Variants in EGFL8 observed in about 807,000 individuals in gnomAD.
EGFL8 encodes epidermal growth factor-like protein 8.
EGFL8 carries 32 observed loss-of-function variants against 39.4 expected under a neutral mutation model. That is an observed-to-expected ratio of 0.81 (90% CI 0.61 to 1.09). The LOEUF is 1.09. Ranked by LOEUF, EGFL8 falls within the 50% of genes least tolerant of loss-of-function variation. The pLI, the probability that EGFL8 is intolerant of heterozygous loss-of-function variation, is 0.00. For synonymous variants in EGFL8, 177 were observed against 168.5 expected (o/e 1.05, Z -0.39); for missense variants, 385 against 402.2 (o/e 0.96, Z 0.37).
In EGFL8 at chr6:32,166,217, C is replaced by T. The variant is rs1784466127; in HGVS notation, c.52C>T (p.Leu18=). ...CTLLGGFSFL[L]LLIPGEGAKG... ...TCTCTTAGGCGGATTCTCCTTCCTC[C>T]TGCTACTGATACCAGGCGAGGGGGC... Residue 18 remains leucine (L), a synonymous_variant, in exon 2 of 9, where the codon CTG becomes TTG. Transcript: ENST00000333845. The surrounding 1 kb of genome is among the most constrained non-coding windows in gnomAD (Gnocchi z 7.3). 6.2e-7 allele frequency: 1 copy of T among 1,614,122 alleles called. No homozygotes were observed. Among genetic ancestry groups the T allele is most frequent in the South Asian group, 1.1e-5 (1 of 91,082 alleles).
In EGFL8 at chr6:32,166,335, A is replaced by G. The variant is rs1784479332; in HGVS notation, c.101+69A>G. ...AGCCTTCTGCTGGGGGTGGGGCTTCACAGGAGGCAAAACATAACTGTAAGT... is the reference window on the plus strand; with the variant it reads ...AGCCTTCTGCTGGGGGTGGGGCTTCGCAGGAGGCAAAACATAACTGTAAGT... On this transcript the variant is annotated intron_variant, in intron 2 of 8. Transcript: ENST00000333845. The surrounding 1 kb of genome is among the most constrained non-coding windows in gnomAD (Gnocchi z 7.3). 1.9e-6 allele frequency: 3 copies of G among 1,596,386 alleles called. No homozygotes were observed. The highest frequency in any genetic ancestry group is 4.5e-5 in the East Asian group (2 of 44,728).
In EGFL8 at chr6:32,166,642, C is replaced by A. The variant is rs781243251; in HGVS notation, c.224+22C>A. 6.2e-7 allele frequency: 1 copy of A among 1,614,176 alleles called. No homozygotes were observed. Among genetic ancestry groups the A allele is most frequent in the Non-Finnish European group, 8.5e-7 (1 of 1,180,020 alleles). ...ACAGGTGAGGGATGGGGAGATGGGA[C>A]CCCAAGAACCCCAACTAGGACCCGT... On this transcript the variant is annotated intron_variant, in intron 3 of 8. Coordinates refer to ENST00000333845, the MANE Select transcript of EGFL8 (RefSeq NM_030652.4). The surrounding 1 kb of genome is among the most constrained non-coding windows in gnomAD (Gnocchi z 7.3).
In EGFL8 at chr6:32,167,243, TACTCAGCGTGGCC is replaced by T; in HGVS notation, c.588_600del (p.Ile196MetfsTer12). 1 of 1,612,168 alleles carries T rather than the reference TACTCAGCGTGGCC, an allele frequency of 6.2e-7. No homozygotes were observed. Among genetic ancestry groups the T allele is most frequent in the Non-Finnish European group, 8.5e-7 (1 of 1,179,508 alleles). On this transcript the variant is annotated frameshift_variant and splice_region_variant, in exon 6 of 9. Coordinates refer to ENST00000333845, the MANE Select transcript of EGFL8 (RefSeq NM_030652.4). LOFTEE classifies it high-confidence loss of function. The surrounding 1 kb of genome is among the most constrained non-coding windows in gnomAD (Gnocchi z 6.4). ...CCAGAGCCCCCAACCAGTGCCAGCA[TACTCAGCGTGGCC>T]GGTGAGTGGGCAGGAGTACGGGCCA...
At position 32,167,257 on chromosome 6, in the gene EGFL8, G is replaced by A. The variant is rs745656409; in HGVS notation, c.601G>A (p.Val201Ile). 47 of 1,611,614 alleles carry A rather than the reference G, an allele frequency of 2.9e-5. No individual in the cohort carries two copies. The Middle Eastern group carries it at 4.9e-4, about 17-fold the overall frequency. ...CAGTGCCAGCATACTCAGCGTGGCC[G>A]GTGAGTGGGCAGGAGTACGGGCCAC... The part of the protein sequence containing the change: ...PTSASILSVA[V>I]REAEKDERAL... Residue 201 changes from valine to isoleucine, a missense_variant and splice_region_variant, in exon 6 of 9, where the codon GTT (valine) becomes ATT (isoleucine). Physicochemically the swap from Val to Ile is conservative, Grantham distance 29. Transcript: ENST00000333845. This position sits in a 1 kb window ranked among gnomAD's most constrained non-coding sequence, Gnocchi z 6.4.
chr6:32,165,895 G>A (rs34199004), intron 1 of EGFL8: 1 of 559,226 alleles, frequency 1.8e-6, no homozygotes, highest in Non-Finnish European at 3.2e-6. Flanking sequence ...AAGTAGGTTA[G>A]AGGGGAGGTG....
Position 32,167,465 on chromosome 6 carries a change from G to A in EGFL8, c.681+36G>A, listed in dbSNP as rs749875760. 33 of 1,611,368 alleles carry A rather than the reference G, an allele frequency of 2.0e-5. 1 individual carries two copies. Among genetic ancestry groups the A allele is most frequent in the Non-Finnish European group, 2.4e-5 (28 of 1,180,004 alleles). ...CCTGCTGGGTGGGGCGAGGCCAGAC[G>A]TCACTGTCAATACCCTGAGGCATCT... On this transcript the variant is annotated intron_variant, in intron 7 of 8. Coordinates refer to ENST00000333845, the MANE Select transcript of EGFL8 (RefSeq NM_030652.4). This position sits in a 1 kb window ranked among gnomAD's most constrained non-coding sequence, Gnocchi z 6.4.
chr6:32,164,814 T>C lies in EGFL8; in HGVS notation c.-29+157T>C. The C allele has an allele frequency of 3.2e-6, 2 of 624,994 alleles. No homozygotes were observed. The highest frequency in any genetic ancestry group is 3.6e-5 in the African/African-American group (2 of 55,542). The allele number at this position is 624,994 out of a possible 1,614,324, so 38.7% of individuals were successfully genotyped here. A position where few individuals can be genotyped will look rare whatever the true frequency, so the allele number is the denominator to read the frequency against. On this transcript the variant is annotated intron_variant, in intron 1 of 8. Coordinates refer to ENST00000333845, the MANE Select transcript of EGFL8 (RefSeq NM_030652.4). This position sits in a 1 kb window ranked among gnomAD's most constrained non-coding sequence, Gnocchi z 5.4. ...GGCGTTATGTGACGGTGTGGGTATA[T>C]GAGGGGAGTAGCAGTGTGTGAAAGG...
chr6:32,166,769 A>G lies in EGFL8; in HGVS notation c.293A>G (p.Gln98Arg). ...CAGCAGACCCATGCAGTGTGCTGCC[A>G]GGGCTGGAAGAAGCGGCACCCGGGG... Reference protein sequence around the residue: ...EVQQTHAVCCQGWKKRHPGAL... With the variant: ...EVQQTHAVCCRGWKKRHPGAL... The change falls in exon 4 of 9, where the codon CAG becomes CGG. Residue 98 changes from glutamine (Q) to arginine (R), a missense_variant. Gln to Arg is a conservative substitution (Grantham distance 43). Coordinates refer to ENST00000333845, the MANE Select transcript of EGFL8 (RefSeq NM_030652.4). The surrounding 1 kb of genome is among the most constrained non-coding windows in gnomAD (Gnocchi z 7.3). 6.4e-7 allele frequency: 1 copy of G among 1,573,896 alleles called. No individual in the cohort carries two copies. The highest frequency in any genetic ancestry group is 1.2e-5 in the South Asian group (1 of 85,014).
In EGFL8 at chr6:32,167,046, C is replaced by A; in HGVS notation, c.430+41C>A. 1 of 1,613,012 alleles carries A rather than the reference C, an allele frequency of 6.2e-7. No individual in the cohort carries two copies. Among genetic ancestry groups the A allele is most frequent in the Non-Finnish European group, 8.5e-7 (1 of 1,179,982 alleles). ...CTCCCCACCTACCCAGGTGCTTGCC[C>A]CCGCCCCCTCTCTCAGCCCCTTCCT... On this transcript the variant is annotated intron_variant, in intron 5 of 8. Coordinates refer to ENST00000333845, the MANE Select transcript of EGFL8 (RefSeq NM_030652.4). This position sits in a 1 kb window ranked among gnomAD's most constrained non-coding sequence, Gnocchi z 6.4.
rs778575445 is a variant in EGFL8 at position 32,166,301 on chromosome 6, C to T, written c.101+35C>T. Reference sequence around the variant, plus strand: ...GAGGGGGTAGGGCCCGGGGTGAGCTCTTCTCAGGAGCCTTCTGCTGGGGGT... The same window carrying T: ...GAGGGGGTAGGGCCCGGGGTGAGCTTTTCTCAGGAGCCTTCTGCTGGGGGT... On this transcript the variant is annotated intron_variant, in intron 2 of 8. Coordinates refer to ENST00000333845, the MANE Select transcript of EGFL8 (RefSeq NM_030652.4). This position sits in a 1 kb window ranked among gnomAD's most constrained non-coding sequence, Gnocchi z 7.3. The T allele has an allele frequency of 1.4e-5, 23 of 1,609,902 alleles. No individual in the cohort carries two copies. Among genetic ancestry groups the T allele is most frequent in the African/African-American group, 2.7e-5 (2 of 74,704 alleles).
chr6:32,167,375 C>T lies in EGFL8; in HGVS notation c.627C>T (p.Arg209=), dbSNP rs770147884. The T allele has an allele frequency of 2.1e-5, 34 of 1,612,914 alleles. No homozygotes were observed. Among genetic ancestry groups the T allele is most frequent in the African/African-American group, 1.2e-4 (9 of 74,944 alleles). Residue 209 remains arginine (R), a synonymous_variant, in exon 7 of 9, where the codon CGC becomes CGT. Transcript: ENST00000333845. This position sits in a 1 kb window ranked among gnomAD's most constrained non-coding sequence, Gnocchi z 6.4. ...TTCGGGAGGCGGAAAAAGATGAGCG[C>T]GCTCTGAAGCAGGAGATTCACGAGC... ...VAVREAEKDE[R]ALKQEIHELR... is the part of the protein sequence containing the mutation.
Position 32,167,952 on chromosome 6 carries a change from G to A in EGFL8, c.878G>A (p.Arg293Gln), listed in dbSNP as rs745371156. 13 of 1,614,064 alleles carry A rather than the reference G, an allele frequency of 8.1e-6. No homozygotes were observed. Among genetic ancestry groups the A allele is most frequent in the South Asian group, 1.1e-5 (1 of 91,092 alleles). ...AGCCTGGGCCTCGGCGTCAATCATC[G>A]ATAAGAAGCCTCTACAGCACCCCTG... ...DNSLGLGVNHR is the reference protein window; with the variant it reads ...DNSLGLGVNHQ The change falls in exon 9 of 9, where the codon CGA becomes CAA. Residue 293 changes from arginine to glutamine, a missense_variant. By Grantham distance (43) the Arg-to-Gln change is conservative. Transcript: ENST00000333845. The surrounding 1 kb of genome is among the most constrained non-coding windows in gnomAD (Gnocchi z 6.4).
Position 32,167,069 on chromosome 6 carries a change from CCTT to C in EGFL8, c.431-17_431-15del, listed in dbSNP as rs1283321587. 1.2e-6 allele frequency: 2 copies of C among 1,612,988 alleles called. No individual in the cohort carries two copies. Among genetic ancestry groups the C allele is most frequent in the African/African-American group, 2.7e-5 (2 of 74,944 alleles). On this transcript the variant is annotated splice_polypyrimidine_tract_variant and intron_variant, in intron 5 of 8. Transcript: ENST00000333845. The surrounding 1 kb of genome is among the most constrained non-coding windows in gnomAD (Gnocchi z 6.4). ...CCCCCGCCCCCTCTCTCAGCCCCTT[CCTT>C]TTTTCGGTAACTAGACGTGGATGAA...
Position 32,166,436 on chromosome 6 carries a change from C to A in EGFL8, c.102-62C>A, listed in dbSNP as rs778539680. On this transcript the variant is annotated intron_variant, in intron 2 of 8. Transcript: ENST00000333845. The surrounding 1 kb of genome is among the most constrained non-coding windows in gnomAD (Gnocchi z 7.3). ...GTAGCCTCTTGAGGGAAGTGGGACT[C>A]CTGGCTCCCCAGGGCCTGGCCTACT... 1.6e-4 allele frequency: 265 copies of A among 1,611,458 alleles called. No homozygotes were observed. The highest frequency in any genetic ancestry group is 2.2e-4 in the Non-Finnish European group (259 of 1,178,826).
At position 32,167,196 on chromosome 6, in the gene EGFL8, G is replaced by T; in HGVS notation, c.540G>T (p.Gly180=). The T allele has an allele frequency of 6.2e-7, 1 of 1,612,992 alleles. No homozygotes were observed. ...ATGACCTAGTGCTAGGCGTGGACGG[G>T]CGCACCTGCATGGAGGGGTCCCCAG... The part of the protein sequence containing the change: ...CPHDLVLGVD[G]RTCMEGSPEP... Residue 180 remains glycine (G), a synonymous_variant, in exon 6 of 9, where the codon GGG becomes GGT. Coordinates refer to ENST00000333845, the MANE Select transcript of EGFL8 (RefSeq NM_030652.4). The surrounding 1 kb of genome is among the most constrained non-coding windows in gnomAD (Gnocchi z 6.4).
In EGFL8 at chr6:32,166,735, C is replaced by G. The variant is rs146391240; in HGVS notation, c.259C>G (p.Arg87Gly). The G allele has an allele frequency of 3.8e-6, 6 of 1,590,956 alleles. No homozygotes were observed. Among genetic ancestry groups the G allele is most frequent in the Non-Finnish European group, 4.3e-6 (5 of 1,166,290 alleles). Residue 87 changes from arginine (R) to glycine (G), a missense_variant, in exon 4 of 9, where the codon CGG (arginine) becomes GGG (glycine). Arg to Gly is a moderately radical substitution (Grantham distance 125). Coordinates refer to ENST00000333845, the MANE Select transcript of EGFL8 (RefSeq NM_030652.4). This position sits in a 1 kb window ranked among gnomAD's most constrained non-coding sequence, Gnocchi z 7.3. ...CCGCGTTATGTGGCGGGAGGTGAGGCGGGAGGTTCAGCAGACCCATGCAGT... is the reference window on the plus strand; with the variant it reads ...CCGCGTTATGTGGCGGGAGGTGAGGGGGGAGGTTCAGCAGACCCATGCAGT... ...MYRVMWREVR[R>G]EVQQTHAVCC...
At position 32,166,626 on chromosome 6, in the gene EGFL8, G is replaced by T; in HGVS notation, c.224+6G>T. On this transcript the variant is annotated splice_donor_region_variant and intron_variant, in intron 3 of 8. Transcript: ENST00000333845. This position sits in a 1 kb window ranked among gnomAD's most constrained non-coding sequence, Gnocchi z 7.3. ...CGCATCTGCAGCACTTACAGGTGAG[G>T]GATGGGGAGATGGGACCCCAAGAAC... 6.2e-7 allele frequency: 1 copy of T among 1,614,204 alleles called. No individual in the cohort carries two copies. The highest frequency in any genetic ancestry group is 1.1e-5 in the South Asian group (1 of 91,090).
chr6:32,166,152 C>T lies in EGFL8; in HGVS notation c.-14C>T, dbSNP rs369754361. The T allele has an allele frequency of 5.6e-6, 9 of 1,613,642 alleles. No individual in the cohort carries two copies. Among genetic ancestry groups the T allele is most frequent in the African/African-American group, 1.3e-5 (1 of 74,886 alleles). On this transcript the variant is annotated 5_prime_UTR_variant, in exon 2 of 9. Transcript: ENST00000333845. The surrounding 1 kb of genome is among the most constrained non-coding windows in gnomAD (Gnocchi z 7.3). ...CTTGCCTGCAGCCTGTAGGGTCCAG[C>T]GTCAAAGCGAATCATGGGGTCCAGG...
chr6:32,165,986 C>T, intron 1 of EGFL8, 152 bp from the exon 2 acceptor site: 1 of 656,298 alleles, frequency 1.5e-6, no homozygotes, highest in South Asian at 1.7e-5. Context: ...TTGGGTTGTA[C>T]ACACAGGTGT....
Sources: allele counts gnomAD v4.1 joint callset, GRCh38; gene constraint gnomAD v4.1.1; non-coding constraint Gnocchi (gnomAD v3.1); transcripts MANE v1.5; gene names NCBI Gene and HGNC (gene_info 2026-07-23, HGNC 2026-07-21).